PCDHA8: variants seen among roughly 807,000 people sequenced by gnomAD.
PCDHA8 encodes the protein protocadherin alpha 8.
In PCDHA8, 53 loss-of-function variants were observed where a neutral mutation model predicts 61.8. The ratio of observed to expected loss-of-function variants is 0.86; its 90% confidence interval spans 0.69 to 1.08. The LOEUF (loss-of-function observed/expected upper bound fraction) is 1.08. PCDHA8 is among the 50% of genes least tolerant of loss of function. The pLI is 0.00. For missense variants in PCDHA8, 1,293 were observed against 1,245.0 expected, an observed-to-expected ratio of 1.04 and a Z score of -0.58; for synonymous variants, 618 against 556.6, an observed-to-expected ratio of 1.11 and a Z score of -1.55.
At chr5:140,849,732 C>T (rs2150447355) in intron 1 of PCDHA8, 6 of 1,598,488 alleles carry the variant, frequency 3.8e-6, no homozygotes, top group Non-Finnish European at 5.1e-6. Flanking sequence ...GGACAGAGCT[C>T]TGGACCGCGA....
At chr5:140,881,143 A>G (rs1554171794) in intron 1 of PCDHA8, among the ~76,000 whole-genome samples, 1 of 152,228 alleles carries the variant, frequency 6.6e-6, no homozygotes, top group Non-Finnish European at 1.5e-5. Flanking sequence ...AGTTATAACA[A>G]TAGATAAAAG....
Position 140,850,539 on chromosome 5 carries a change from G to A in PCDHA8, c.2394+6824G>A, listed in dbSNP as rs1310321897. 6.3e-7 allele frequency: 1 copy of A among 1,598,284 alleles called. No individual in the cohort carries two copies. Among genetic ancestry groups the A allele is most frequent in the Non-Finnish European group, 8.6e-7 (1 of 1,167,870 alleles). On this transcript the variant is annotated intron_variant, in intron 1 of 3. Coordinates refer to ENST00000531613, the MANE Select transcript of PCDHA8 (RefSeq NM_018911.3). ...CCAGGCGCCAAAGTCATCGTCGCGG[G>A]CGTCAGTGGGTGCCACGGGCCCCGA...
intron 1 of PCDHA8, among the ~76,000 whole-genome samples, chr5:140,919,657 A>G (rs1341455821): frequency 3.9e-5 from 6 of 152,258 alleles, no homozygotes; most frequent in Non-Finnish European, 8.8e-5. Flanking sequence ...AGTTTACCAT[A>G]TATATTTTAG....
In PCDHA8 at chr5:140,852,911, C is replaced by T. The variant is rs2150524968; in HGVS notation, c.2394+9196C>T. The T allele has an allele frequency of 1.1e-4, 89 of 791,740 alleles. 5 individuals are homozygous for T. The highest frequency in any genetic ancestry group is 1.3e-4 in the Non-Finnish European group (82 of 639,880). The allele number at this position is 791,740 out of a possible 1,614,324, so 49.0% of individuals were successfully genotyped here. On this transcript the variant is annotated intron_variant, in intron 1 of 3. Coordinates refer to ENST00000531613, the MANE Select transcript of PCDHA8 (RefSeq NM_018911.3). Reference sequence around the variant, plus strand: ...TTTTTTTTTTTGAGTCAGAGTCTCGCTCTGTTGCCCAGGCTGGAGTGCAGT... The same window carrying T: ...TTTTTTTTTTTGAGTCAGAGTCTCGTTCTGTTGCCCAGGCTGGAGTGCAGT...
At chr5:140,971,369 T>C (rs1384716266) in intron 1 of PCDHA8, among the ~76,000 whole-genome samples, 1 of 152,094 alleles carries the variant, frequency 6.6e-6, no homozygotes, top group Non-Finnish European at 1.5e-5. Context: ...GCCAGGAGAG[T>C]GCATGACTTT....
At chr5:140,918,789 G>A (rs1453306973) in intron 1 of PCDHA8, among the ~76,000 whole-genome samples, 7 of 142,426 alleles carry the variant, frequency 4.9e-5, no homozygotes, top group African/African-American at 1.9e-4. Flanking sequence ...TGAGGACACA[G>A]CAAAAATGTG....
intron 2 of PCDHA8, among the ~76,000 whole-genome samples, chr5:140,980,164 G>A (rs187011465): frequency 1.6e-3 from 238 of 152,226 alleles, no homozygotes; most frequent in Middle Eastern, 6.8e-3. Context: ...AGAATATTAG[G>A]TATCAGAAGA....
At chr5:140,994,004 C>T (rs1366489476) in intron 3 of PCDHA8, among the ~76,000 whole-genome samples, 3 of 152,186 alleles carry the variant, frequency 2.0e-5, no homozygotes, top group Non-Finnish European at 2.9e-5. Context: ...AGGCCAGGCT[C>T]TGTTCTAGGT....
intron 1 of PCDHA8, among the ~76,000 whole-genome samples, chr5:140,889,484 A>G (rs2062245315): frequency 6.6e-6 from 1 of 152,158 alleles, no homozygotes; most frequent in Admixed American, 6.5e-5. Context: ...TACTTTCTAC[A>G]GAATCTATAG....
chr5:140,971,928 T>C (rs1318885872), intron 1 of PCDHA8, among the ~76,000 whole-genome samples: 1 of 152,186 alleles, frequency 6.6e-6, no homozygotes, highest in Non-Finnish European at 1.5e-5. Flanking sequence ...GCTAGTGTTA[T>C]TTTAAGTTGT....
At chr5:141,003,663 A>G (rs1298864445) in intron 3 of PCDHA8, among the ~76,000 whole-genome samples, 4 of 152,204 alleles carry the variant, frequency 2.6e-5, no homozygotes, top group Non-Finnish European at 5.9e-5. Flanking sequence ...CATTTATTAA[A>G]ATATATGTTG....
chr5:140,906,957 G>T (rs1301709159), intron 1 of PCDHA8, among the ~76,000 whole-genome samples: 2 of 152,144 alleles, frequency 1.3e-5, no homozygotes, highest in Admixed American at 6.5e-5. Flanking sequence ...CCAGTTTAAT[G>T]GAATCGTGGT....
rs1380751702 is a variant in PCDHA8 at position 140,855,145 on chromosome 5, A to C, written c.2394+11430A>C. On this transcript the variant is annotated intron_variant, in intron 1 of 3. Transcript: ENST00000531613. Reference sequence around the variant, plus strand: ...AGGTAATAATTTTGCCTGATGAGCCAAATTTGGTATTGAGCCTCATGAAAA... The same window carrying C: ...AGGTAATAATTTTGCCTGATGAGCCCAATTTGGTATTGAGCCTCATGAAAA... Among the ~76,000 whole-genome samples, 3 of 149,972 alleles carry C rather than the reference A, an allele frequency of 2.0e-5. 1 individual carries two copies. The East Asian group carries it at 5.8e-4, about 29-fold the overall frequency.
At chr5:140,857,915 G>C in intron 1 of PCDHA8, 4 of 1,597,912 alleles carry the variant, frequency 2.5e-6, no homozygotes, top group Non-Finnish European at 3.4e-6. Context: ...CCCGTTTCGC[G>C]TGGGGCTGTA....
intron 3 of PCDHA8, among the ~76,000 whole-genome samples, chr5:140,993,468 A>T (rs1327306188): frequency 7.2e-5 from 5 of 69,412 alleles, no homozygotes; most frequent in Non-Finnish European, 1.2e-4. Flanking sequence ...TTTCTCACAC[A>T]CACACACACA....
chr5:140,999,403 A>G (rs1325467300), intron 3 of PCDHA8, among the ~76,000 whole-genome samples: 7 of 152,176 alleles, frequency 4.6e-5, no homozygotes, highest in African/African-American at 1.7e-4. Context: ...TTTGCATATG[A>G]AAGAATGGGA....
At chr5:140,912,797 G>C (rs2076071117) in intron 1 of PCDHA8, among the ~76,000 whole-genome samples, 1 of 152,128 alleles carries the variant, frequency 6.6e-6, no homozygotes, top group South Asian at 2.1e-4. Flanking sequence ...CAATTTTCTT[G>C]AGGGTTTTTA....
intron 1 of PCDHA8, among the ~76,000 whole-genome samples, chr5:140,943,840 G>T (rs528235230): frequency 1.4e-4 from 21 of 152,316 alleles, no homozygotes; most frequent in Non-Finnish European, 2.8e-4. Context: ...GAAGTTGTAA[G>T]ATGTCACAGA....
At chr5:140,968,846 C>T (rs1554231159) in intron 1 of PCDHA8, 1 of 1,614,186 alleles carries the variant, frequency 6.2e-7, no homozygotes. Context: ...CACTCAGAGG[C>T]ATGTTAAGAG....
Sources: allele counts gnomAD v4.1 joint callset (sites outside exome capture counted in the v4.1 genomes callset), GRCh38; gene constraint gnomAD v4.1.1; transcripts MANE v1.5; gene names NCBI Gene and HGNC (gene_info 2026-07-23, HGNC 2026-07-21).